AASS: variants seen among roughly 807,000 people sequenced by gnomAD.
AASS encodes the protein alpha-aminoadipic semialdehyde synthase, mitochondrial.
Under a neutral mutation model 105.4 loss-of-function variants are expected in AASS, and 86 were observed. That is an observed-to-expected ratio of 0.82 (90% CI 0.69 to 0.98). The LOEUF is 0.98. Among genes scored for constraint, AASS ranks in the 50% least tolerant of loss-of-function variants. AASS has a pLI of 0.00. For missense variants in AASS, 1,048 were observed against 1,143.2 expected, an observed-to-expected ratio of 0.92 and a Z score of 1.20; for synonymous variants, 381 against 394.8, an observed-to-expected ratio of 0.96 and a Z score of 0.41.
intron 3 of AASS, among the ~76,000 whole-genome samples, chr7:122,127,902 C>T (rs141131317): frequency 1.3e-5 from 2 of 152,286 alleles, no homozygotes; most frequent in African/African-American, 2.4e-5. Context: ...TCATATCCAA[C>T]AGCCCTCTTA....
intron 21 of AASS, chr7:122,079,290 A>C: frequency 7.4e-6 from 10 of 1,344,622 alleles, no homozygotes; most frequent in Non-Finnish European, 9.6e-6. Flanking sequence ...ATATGAAAGA[A>C]TGTTTTCATG....
chr7:122,079,584 G>A lies in AASS; in HGVS notation c.2396+13C>T. The stretch of plus-strand genomic sequence containing the variant: ...CAGTATATTTTGCTCTAAGTTGAGT[G>A]GTGGGTGCCTACCATTCAGCAGCCT... On this transcript the variant is annotated intron_variant, in intron 21 of 23. Coordinates refer to ENST00000417368, the MANE Select transcript of AASS (RefSeq NM_005763.4). 2 of 1,569,942 alleles carry A rather than the reference G, an allele frequency of 1.3e-6. No homozygotes were observed. Among genetic ancestry groups the A allele is most frequent in the Non-Finnish European group, 1.8e-6 (2 of 1,139,938 alleles).
At chr7:122,086,931 C>A (rs751142301) in intron 18 of AASS, among the ~76,000 whole-genome samples, 1 of 152,150 alleles carries the variant, frequency 6.6e-6, no homozygotes, top group Non-Finnish European at 1.5e-5. Flanking sequence ...TGAAGGATTT[C>A]TTTGTCTCTA....
Position 122,123,565 on chromosome 7 carries a change from C to T in AASS, c.472+2810G>A, listed in dbSNP as rs73426030. Among the ~76,000 whole-genome samples the T allele has an allele frequency of 4.1e-3, 631 of 152,330 alleles. 7 individuals are homozygous for T. The highest frequency in any genetic ancestry group is 0.014 in the African/African-American group (600 of 41,584). On this transcript the variant is annotated intron_variant, in intron 4 of 23. Transcript: ENST00000417368. ...GACATAGTTGCCCAGTTATAGATTA[C>T]ATTTCTCAGTCAATTTTGACCAATG... is the stretch of plus-strand genomic sequence containing the variant.
In AASS at chr7:122,093,155, C is replaced by T. The variant is rs764312992; in HGVS notation, c.1659G>A (p.Leu553=). 6.2e-7 allele frequency: 1 copy of T among 1,612,076 alleles called. No individual in the cohort carries two copies. Among genetic ancestry groups the T allele is most frequent in the Non-Finnish European group, 8.5e-7 (1 of 1,178,336 alleles). The change falls in exon 16 of 24, where the codon TTG becomes TTA. Residue 553 remains leucine (L), a synonymous_variant. Transcript: ENST00000417368. ...LVAKQDLVIS[L]LPYVLHPLVA... is the part of the protein sequence containing the mutation. ...CAAGAGGGTGCAATACATAAGGCAA[C>T]AAGCTTGAAAACAGGAAGAAACTAA...
At chr7:122,104,345 C>T (rs888911140) in intron 11 of AASS, among the ~76,000 whole-genome samples, 33 of 152,158 alleles carry the variant, frequency 2.2e-4, no homozygotes, top group Non-Finnish European at 3.8e-4. Context: ...CCTGTAATCC[C>T]AGCACTTTGA....
At position 122,116,778 on chromosome 7, in the gene AASS, A is replaced by G. The variant is rs200082584; in HGVS notation, c.767-18T>C. ...TCTGAGGTCTTGAAAAGGAGAAAGA[A>G]ATTAGTAAAGTGGGTGACAAATAAT... On this transcript the variant is annotated intron_variant, in intron 7 of 23. Transcript: ENST00000417368. 12 of 1,614,000 alleles carry G rather than the reference A, an allele frequency of 7.4e-6. No homozygotes were observed. Among genetic ancestry groups the G allele is most frequent in the Admixed American group, 1.7e-5 (1 of 60,012 alleles).
intron 3 of AASS, among the ~76,000 whole-genome samples, chr7:122,127,406 A>G (rs1238308724): frequency 6.6e-6 from 1 of 152,166 alleles, no homozygotes; most frequent in Admixed American, 6.5e-5. Context: ...TCATTCTTCC[A>G]ACTCCAAGTA....
intron 1 of AASS, among the ~76,000 whole-genome samples, chr7:122,141,390 T>C (rs1796389479): frequency 6.6e-6 from 1 of 152,160 alleles, no homozygotes; most frequent in South Asian, 2.1e-4. Context: ...ACAAAGTTAG[T>C]TCTAAATCGG....
rs5887069 is a variant in AASS, at chr7:122,095,581, TAAA to T, written c.1656-2426_1656-2424del. On this transcript the variant is annotated intron_variant, in intron 15 of 23. Transcript: ENST00000417368. ...CATAGTTCAGATTTTCTCTACTTCA[TAAA>T]AAAAAAAAAACAATAAAACCACTTT... Among the ~76,000 whole-genome samples, 242 of 146,138 alleles carry T rather than the reference TAAA, an allele frequency of 1.7e-3. 5 individuals are homozygous for T. In the East Asian group the frequency reaches 0.044, roughly 26 times the overall value.
At chr7:122,094,637 AT>A (rs1292924790) in intron 15 of AASS, among the ~76,000 whole-genome samples, 21 of 152,286 alleles carry the variant, frequency 1.4e-4, no homozygotes, top group African/African-American at 5.1e-4. Flanking sequence ...TAACACTCAT[AT>A]TTATGAAAAT....
intron 15 of AASS, 102 bp downstream of exon 15, chr7:122,098,348 T>C (rs1794264624): frequency 1.5e-6 from 2 of 1,356,060 alleles, no homozygotes; most frequent in South Asian, 2.5e-5. Flanking sequence ...ATTAAAAACT[T>C]TACTCCAAAG....
At chr7:122,086,276 A>G (rs1421748054) in intron 18 of AASS, 97 bp from the exon 19 acceptor site, 6 of 1,100,928 alleles carry the variant, frequency 5.4e-6, no homozygotes, top group Non-Finnish European at 7.8e-6. Flanking sequence ...CAGAAATTTG[A>G]AAAAAAAAAT....
At chr7:122,117,253 T>G (rs1795225345) in intron 6 of AASS, among the ~76,000 whole-genome samples, 1 of 152,258 alleles carries the variant, frequency 6.6e-6, no homozygotes, top group Non-Finnish European at 1.5e-5. Context: ...CCATTTATTT[T>G]AGATCCATTG....
At chr7:122,086,904 A>G (rs1793655468) in intron 18 of AASS, among the ~76,000 whole-genome samples, 1 of 152,198 alleles carries the variant, frequency 6.6e-6, no homozygotes. Context: ...CCCCCATCAC[A>G]CATACTCAAA....
chr7:122,098,675 T>G, intron 14 of AASS, 70 bp downstream of exon 14: 1 of 1,583,744 alleles, frequency 6.3e-7, no homozygotes, highest in Non-Finnish European at 8.6e-7. Context: ...AACAAAGTAG[T>G]CTTCTAAAAT....
At chr7:122,083,605 C>G (rs1442712995) in intron 19 of AASS, among the ~76,000 whole-genome samples, 1 of 151,998 alleles carries the variant, frequency 6.6e-6, no homozygotes, top group Non-Finnish European at 1.5e-5. Context: ...AATGCATCAC[C>G]ACTGATGACT....
chr7:122,121,020 T>G (rs1445581172), intron 4 of AASS, among the ~76,000 whole-genome samples: 4 of 152,196 alleles, frequency 2.6e-5, no homozygotes, highest in Non-Finnish European at 5.9e-5. Context: ...ATAGCTAAAT[T>G]TAAAGCTACC....
intron 10 of AASS, among the ~76,000 whole-genome samples, 161 bp downstream of exon 10, chr7:122,113,437 G>A (rs2150534075): frequency 6.6e-6 from 1 of 152,236 alleles, no homozygotes; most frequent in Middle Eastern, 3.4e-3. Context: ...GTATGTGTGT[G>A]TGTTCAAATG....
Sources: gnomAD v4.1 joint callset for allele counts (sites outside exome capture counted in the v4.1 genomes callset) on GRCh38, gnomAD v4.1.1 for gene constraint, MANE v1.5 for transcripts, NCBI Gene and HGNC (gene_info 2026-07-23, HGNC 2026-07-21) for gene names.